SLC25A21: variants seen among roughly 807,000 people sequenced by gnomAD.
SLC25A21 encodes mitochondrial 2-oxodicarboxylate carrier.
In SLC25A21, 47 loss-of-function variants were observed where a neutral mutation model predicts 43.8. That is an observed-to-expected ratio of 1.07 (90% CI 0.85 to 1.37). The LOEUF is 1.37. SLC25A21 is among the 40% of genes most tolerant of loss of function. The pLI is 0.00. For synonymous variants in SLC25A21, 131 were observed against 121.3 expected (o/e 1.08, Z -0.52); for missense variants, 352 against 350.2 (o/e 1.00, Z -0.04).
At chr14:36,895,915 T>C (rs1429525041) in intron 1 of SLC25A21, among the ~76,000 whole-genome samples, 1 of 152,226 alleles carries the variant, frequency 6.6e-6, no homozygotes, top group Non-Finnish European at 1.5e-5. Context: ...CAGTTTGTTA[T>C]AATTTCTGTT....
chr14:37,117,288 A>T (rs929712722), intron 1 of SLC25A21, among the ~76,000 whole-genome samples: 1 of 152,150 alleles, frequency 6.6e-6, no homozygotes, highest in Non-Finnish European at 1.5e-5. Flanking sequence ...TCATTTTCTT[A>T]GCAGTAGCTT....
At chr14:36,710,155 C>T (rs1039197280) in intron 7 of SLC25A21, among the ~76,000 whole-genome samples, 4 of 151,816 alleles carry the variant, frequency 2.6e-5, no homozygotes, top group African/African-American at 7.3e-5. Context: ...GAGGCTGAGG[C>T]GGGTGGGTTG....
chr14:36,863,505 C>T (rs1890130211), intron 2 of SLC25A21, among the ~76,000 whole-genome samples: 2 of 152,130 alleles, frequency 1.3e-5, no homozygotes, highest in South Asian at 2.1e-4. Context: ...TAAAAAGAAT[C>T]CCATTTACAA....
At chr14:37,120,448 C>G (rs1256795541) in intron 1 of SLC25A21, among the ~76,000 whole-genome samples, 9 of 152,156 alleles carry the variant, frequency 5.9e-5, no homozygotes, top group African/African-American at 2.2e-4. Flanking sequence ...TTCATCAATA[C>G]TGCCTTCAGT....
chr14:37,104,243 T>C (rs999921602), intron 1 of SLC25A21, among the ~76,000 whole-genome samples: 6 of 152,162 alleles, frequency 3.9e-5, no homozygotes, highest in African/African-American at 1.2e-4. Context: ...CAAGGGAGCT[T>C]GTTCACCCCT....
intron 1 of SLC25A21, among the ~76,000 whole-genome samples, chr14:36,945,184 A>C (rs916205326): frequency 1.3e-5 from 2 of 152,146 alleles, no homozygotes; most frequent in African/African-American, 4.8e-5. Context: ...CTTTCAAACT[A>C]CTGAGAAATA....
intron 4 of SLC25A21, 78 bp from the exon 5 acceptor site, chr14:36,729,644 GTAAATCATTATGT>G: frequency 2.5e-6 from 3 of 1,221,056 alleles, no homozygotes; most frequent in Non-Finnish European, 3.5e-6. Context: ...AATTTCTTTG[GTAAATCATTATGT>G]TAACCAGCAT....
intron 2 of SLC25A21, among the ~76,000 whole-genome samples, chr14:36,833,646 C>T (rs1889110183): frequency 6.6e-6 from 1 of 152,132 alleles, no homozygotes. Flanking sequence ...GAAAATTGTG[C>T]CAGACCAATT....
chr14:36,966,061 TAAAC>T (rs1299315461), intron 1 of SLC25A21, among the ~76,000 whole-genome samples: 3 of 152,222 alleles, frequency 2.0e-5, no homozygotes, highest in African/African-American at 7.2e-5. Context: ...ATTAAACTCT[TAAAC>T]AAACAAAAAA....
intron 1 of SLC25A21, among the ~76,000 whole-genome samples, chr14:37,044,426 C>A (rs1961544231): frequency 6.6e-6 from 1 of 152,118 alleles, no homozygotes; most frequent in Admixed American, 6.5e-5. Flanking sequence ...GTGGACTATT[C>A]TTTCAAACTA....
chr14:36,873,000 T>A (rs1890417929), intron 2 of SLC25A21, among the ~76,000 whole-genome samples: 1 of 152,210 alleles, frequency 6.6e-6, no homozygotes. Context: ...ATTGAGTGAA[T>A]GAGTGACCAT....
chr14:36,791,724 A>G lies in SLC25A21; in HGVS notation c.203+22194T>C, dbSNP rs546915547. Among the ~76,000 whole-genome samples, 59 of 152,324 alleles carry G rather than the reference A, an allele frequency of 3.9e-4. 1 individual carries two copies. The South Asian group carries it at 4.8e-3, about 12-fold the overall frequency. ...CTAGGAAAATTCCACAATGCAAAGA[A>G]GCCAGTTATAGGGGATTAACCACCC... is the stretch of plus-strand genomic sequence containing the variant. On this transcript the variant is annotated intron_variant, in intron 3 of 9. Transcript: ENST00000331299.
intron 1 of SLC25A21, among the ~76,000 whole-genome samples, chr14:37,132,786 T>C (rs748702431): frequency 2.0e-5 from 3 of 151,788 alleles, no homozygotes; most frequent in Admixed American, 6.6e-5. Context: ...CTGGAGTTCA[T>C]TGGCACAAAC....
intron 1 of SLC25A21, among the ~76,000 whole-genome samples, chr14:36,910,076 A>G (rs1311002878): frequency 1.3e-5 from 2 of 152,164 alleles, no homozygotes; most frequent in Non-Finnish European, 2.9e-5. Context: ...AGACTGTCAA[A>G]TGCTCTTATT....
chr14:37,068,490 G>C (rs908822706), intron 1 of SLC25A21, among the ~76,000 whole-genome samples: 1 of 152,154 alleles, frequency 6.6e-6, no homozygotes, highest in Non-Finnish European at 1.5e-5. Flanking sequence ...GTGTTTTGCT[G>C]TAATTTTGGT....
At chr14:36,845,722 C>T (rs751723575) in intron 2 of SLC25A21, among the ~76,000 whole-genome samples, 4 of 152,202 alleles carry the variant, frequency 2.6e-5, no homozygotes, top group Non-Finnish European at 5.9e-5. Context: ...TATCAGCTTC[C>T]ATCTGTTCTT....
chr14:36,683,861 C>T lies in SLC25A21; in HGVS notation c.805G>A (p.Gly269Ser). The T allele has an allele frequency of 6.2e-7, 1 of 1,606,904 alleles. No homozygotes were observed. Among genetic ancestry groups the T allele is most frequent in the Non-Finnish European group, 8.5e-7 (1 of 1,176,174 alleles). ...QEEGILALYKGLLPKIMRLGP... is the reference protein window; with the variant it reads ...QEEGILALYKSLLPKIMRLGP... ...AGTCTCATAATCTTGGGAAGCAGGC[C>T]TTTGTACAAAGCTAAAATCCTGTAA... The change falls in exon 9 of 10, where the codon GGC (glycine) becomes AGC (serine). Residue 269 changes from glycine to serine, a missense_variant. Transcript: ENST00000331299.
intron 1 of SLC25A21, among the ~76,000 whole-genome samples, chr14:36,960,597 C>T (rs970844126): frequency 6.6e-6 from 1 of 151,932 alleles, no homozygotes; most frequent in Non-Finnish European, 1.5e-5. Context: ...TGTAATTTAC[C>T]CTCCTTTCCC....
intron 1 of SLC25A21, among the ~76,000 whole-genome samples, chr14:37,083,388 A>G (rs1348252239): frequency 6.6e-6 from 1 of 152,186 alleles, no homozygotes; most frequent in African/African-American, 2.4e-5. Context: ...AATAATTATT[A>G]CTCACCATGA....
Sources: gnomAD v4.1 joint callset for allele counts (sites outside exome capture counted in the v4.1 genomes callset) on GRCh38, gnomAD v4.1.1 for gene constraint, MANE v1.5 for transcripts, NCBI Gene and HGNC (gene_info 2026-07-23, HGNC 2026-07-21) for gene names.